The following TDRD12 variants were observed in gnomAD, a reference collection of about 807,000 sequenced individuals.
TDRD12 encodes the protein putative ATP-dependent RNA helicase TDRD12.
In TDRD12, 158 loss-of-function variants were observed where a neutral mutation model predicts 133.5. The observed-to-expected ratio is 1.18, with a 90% CI of 1.04 to 1.35. The LOEUF (loss-of-function observed/expected upper bound fraction) is 1.35, where lower values mean the gene tolerates loss of function less well. Among genes scored for constraint, TDRD12 ranks in the 40% most tolerant of loss-of-function variants. TDRD12 has a pLI of 0.00. For synonymous variants in TDRD12, 460 were observed against 477.9 expected, an observed-to-expected ratio of 0.96 and a Z score of 0.49; for missense variants, 1,443 against 1,321.3, an observed-to-expected ratio of 1.09 and a Z score of -1.43.
At chr19:32,755,942 C>T (rs367869000) in intron 6 of TDRD12, 50 bp from the exon 7 acceptor site, 14 of 1,277,798 alleles carry the variant, frequency 1.1e-5, no homozygotes, top group East Asian at 6.3e-5. Context: ...CCTTTAAAAT[C>T]GCTTGACTAT....
chr19:32,725,913 C>G (rs1250169472), intron 1 of TDRD12, among the ~76,000 whole-genome samples: 2 of 151,934 alleles, frequency 1.3e-5, no homozygotes, highest in African/African-American at 4.8e-5. Context: ...TAGGTATTCT[C>G]TTTGTAGCAA....
intron 19 of TDRD12, 35 bp downstream of exon 19, chr19:32,801,908 G>T: frequency 2.6e-6 from 2 of 764,372 alleles, no homozygotes; most frequent in South Asian, 2.5e-5. Flanking sequence ...ATTTAGTGAA[G>T]GTTGAGCTAC....
At chr19:32,777,835 A>G (rs556528423) in intron 11 of TDRD12, among the ~76,000 whole-genome samples, 1 of 14,304 alleles carries the variant, frequency 7.0e-5, no homozygotes, top group African/African-American at 3.2e-4. Context: ...ATATATATAT[A>G]TATATATATA....
chr19:32,819,690 C>T (rs1287797200), intron 27 of TDRD12, among the ~76,000 whole-genome samples: 2 of 152,146 alleles, frequency 1.3e-5, no homozygotes, highest in Non-Finnish European at 2.9e-5. Flanking sequence ...GAAGAGACCC[C>T]ATATCAGACA....
At chr19:32,777,832 TATATATATATATATATATATATATA>T (rs1277132009) in intron 11 of TDRD12, among the ~76,000 whole-genome samples, 55 of 8,200 alleles carry the variant, frequency 6.7e-3, no homozygotes, top group East Asian at 0.023. Context: ...TATATATATA[TATATATATATATATATATATATATA>T]TTTTTTTTTT....
chr19:32,806,746 G>A (rs1189202731), intron 21 of TDRD12, among the ~76,000 whole-genome samples: 14 of 151,746 alleles, frequency 9.2e-5, no homozygotes, highest in South Asian at 4.2e-4. Context: ...CAACCTCTGC[G>A]TCCTGGGTTC....
intron 24 of TDRD12, 77 bp from the exon 25 acceptor site, chr19:32,813,607 T>G (rs1967079890): frequency 1.3e-6 from 1 of 777,178 alleles, no homozygotes; most frequent in South Asian, 1.7e-5. Context: ...TGGAATATTT[T>G]GCAAACTGTA....
At chr19:32,745,071 GC>G (rs944441111) in intron 4 of TDRD12, among the ~76,000 whole-genome samples, 9 of 152,012 alleles carry the variant, frequency 5.9e-5, no homozygotes, top group South Asian at 2.1e-4. Context: ...CCTCCAGCCA[GC>G]CCCCCCCACT....
intron 8 of TDRD12, among the ~76,000 whole-genome samples, chr19:32,762,309 T>C (rs1247101894): frequency 1.3e-5 from 2 of 152,190 alleles, no homozygotes; most frequent in African/African-American, 4.8e-5. Context: ...TCTAGGAGTT[T>C]TGTATTTTGC....
downstream of TDRD12, among the ~76,000 whole-genome samples, chr19:32,823,292 C>A (rs925129039): frequency 1.3e-5 from 2 of 152,192 alleles, no homozygotes; most frequent in Admixed American, 1.3e-4. Flanking sequence ...GCCTTGCCCA[C>A]TGCCTGTGTG....
intron 3 of TDRD12, among the ~76,000 whole-genome samples, chr19:32,739,715 ACT>A (rs1347105562): frequency 2.0e-5 from 1 of 51,050 alleles, no homozygotes; most frequent in African/African-American, 7.9e-5. Flanking sequence ...TCTCCTGGGT[ACT>A]CTCTGCATCT....
chr19:32,775,693 C>A (rs1970562212), intron 10 of TDRD12, among the ~76,000 whole-genome samples: 1 of 151,356 alleles, frequency 6.6e-6, no homozygotes, highest in African/African-American at 2.4e-5. Flanking sequence ...TATTTCTTTG[C>A]TGAGAACTTG....
At chr19:32,821,369 A>AGTGTGT (rs59054756), downstream of TDRD12, 9,064 of 350,880 alleles carry the variant, frequency 0.026, 200 homozygotes, top group Non-Finnish European at 0.033. Context: ...AGCTCAGCAG[A>AGTGTGT]GTGTGTGTGT....
chr19:32,806,749 C>T (rs527636449), intron 21 of TDRD12, among the ~76,000 whole-genome samples: 6 of 152,238 alleles, frequency 3.9e-5, no homozygotes, highest in African/African-American at 1.4e-4. Flanking sequence ...CCTCTGCGTC[C>T]TGGGTTCAAG....
At chr19:32,800,764 G>C in exon 18 of TDRD12, 6 of 1,530,676 alleles carry the variant, frequency 3.9e-6, no homozygotes, top group Non-Finnish European at 5.2e-6. Context: ...AACAGAAATA[G>C]TGTGTAAGGT....
chr19:32,802,752 G>A (rs1234592584), exon 20 of TDRD12: 9 of 1,536,632 alleles, frequency 5.9e-6, no homozygotes, highest in South Asian at 1.2e-5. Flanking sequence ...TTTGGTGGAC[G>A]CCTGTATTGC....
rs573300927 is a variant in TDRD12 at position 32,781,006 on chromosome 19, G to A, written c.1121+3777G>A. Among the ~76,000 whole-genome samples, 11 of 147,994 alleles carry A rather than the reference G, an allele frequency of 7.4e-5. 1 individual carries two copies. The highest frequency in any genetic ancestry group is 1.8e-4 in the African/African-American group (7 of 39,952). Reference sequence around the variant, plus strand: ...TGCCCAGCCTGGAGTGCAGTGGCGCGATCTCAGCTCACTGCAAGCTCCACC... The same window carrying A: ...TGCCCAGCCTGGAGTGCAGTGGCGCAATCTCAGCTCACTGCAAGCTCCACC... On this transcript the variant is annotated intron_variant, in intron 11 of 27. Coordinates refer to ENST00000444215, the Ensembl canonical transcript of TDRD12.
At chr19:32,805,181 CATATATAAT>C (rs1435443382) in intron 21 of TDRD12, among the ~76,000 whole-genome samples, 1 of 103,260 alleles carries the variant, frequency 9.7e-6, no homozygotes, top group African/African-American at 3.8e-5. Context: ...ATATATATAA[CATATATAAT>C]ATATATATAC....
In TDRD12 at chr19:32,815,521, TG is replaced by T. The variant is rs1313239107; in HGVS notation, c.3218del (p.Gly1073AlafsTer10). ...AATGTTCGAGCTGAAATTTTGTCCA[TG>T]GGCATGGGCATTGATAATCCAGAAC... On this transcript the variant is annotated frameshift_variant, in exon 26 of 28. Coordinates refer to ENST00000444215, the Ensembl canonical transcript of TDRD12. LOFTEE classifies it high-confidence loss of function. 1 of 1,536,434 alleles carries T rather than the reference TG, an allele frequency of 6.5e-7. No individual in the cohort carries two copies. The highest frequency in any genetic ancestry group is 2.0e-5 in the Admixed American group (1 of 51,004).
Sources: gnomAD v4.1 joint callset for allele counts (sites outside exome capture counted in the v4.1 genomes callset) on GRCh38, gnomAD v4.1.1 for gene constraint, MANE v1.5 for transcripts, NCBI Gene and HGNC (gene_info 2026-07-23, HGNC 2026-07-21) for gene names.